Variants in SAMD4A observed in about 807,000 individuals in gnomAD.
The protein encoded by SAMD4A is sterile alpha motif domain containing 4A, also known as protein Smaug homolog 1.
Under a neutral mutation model 81.3 loss-of-function variants are expected in SAMD4A, and 33 were observed. The ratio of observed to expected loss-of-function variants is 0.41; its 90% CI spans 0.31 to 0.54. SAMD4A has a LOEUF of 0.54. Ranked by LOEUF, SAMD4A falls within the 20% of genes least tolerant of loss-of-function variation. SAMD4A has a pLI of 0.37. For missense variants in SAMD4A, 854 were observed against 951.1 expected, an observed-to-expected ratio of 0.90 and a Z score of 1.34; for synonymous variants, 389 against 382.1, an observed-to-expected ratio of 1.02 and a Z score of -0.21.
intron 2 of SAMD4A, among the ~76,000 whole-genome samples, chr14:54,661,886 G>A (rs1488344658): frequency 6.6e-6 from 1 of 152,144 alleles, no homozygotes; most frequent in Non-Finnish European, 1.5e-5. Context: ...TCACAGGTGT[G>A]CAGGCTAGGT....
At chr14:54,685,133 A>T (rs1029947491) in intron 2 of SAMD4A, among the ~76,000 whole-genome samples, 2 of 152,208 alleles carry the variant, frequency 1.3e-5, no homozygotes, top group African/African-American at 2.4e-5. Context: ...TGCCATTTTA[A>T]TCATTTTTAA....
intron 6 of SAMD4A, 98 bp downstream of exon 6, chr14:54,751,635 C>A: frequency 2.5e-6 from 2 of 795,796 alleles, no homozygotes. Context: ...CCTTCTAGAG[C>A]GTACCATGTG....
At chr14:54,669,886 G>A (rs2035841057) in intron 2 of SAMD4A, among the ~76,000 whole-genome samples, 1 of 152,176 alleles carries the variant, frequency 6.6e-6, no homozygotes, top group Non-Finnish European at 1.5e-5. Flanking sequence ...CTATGAATCA[G>A]AGCTGAATCA....
chr14:54,581,040 G>C (rs1197113098), intron 2 of SAMD4A, among the ~76,000 whole-genome samples: 1 of 152,152 alleles, frequency 6.6e-6, no homozygotes, highest in Non-Finnish European at 1.5e-5. Flanking sequence ...TTTCCCCTCA[G>C]ACCCTTACAG....
chr14:54,599,437 G>T (rs1362101800), intron 2 of SAMD4A, among the ~76,000 whole-genome samples: 2 of 151,992 alleles, frequency 1.3e-5, no homozygotes, highest in African/African-American at 4.8e-5. Flanking sequence ...GGATACCCGA[G>T]GTCCACAAAT....
rs949406676 is a variant in SAMD4A, at chr14:54,789,332, G to A, written c.*388G>A. The A allele has an allele frequency of 2.2e-5, 5 of 227,936 alleles. No homozygotes were observed. The highest frequency in any genetic ancestry group is 3.5e-5 in the Non-Finnish European group (4 of 115,454). 14.1% of individuals were successfully genotyped at this position (227,936 alleles called of 1,614,324 possible). ...CAGCAGAAGCCCTGGCCCTGGGGAG[G>A]CTTCTCGGAAGGCCTGGCTTCACAG... On this transcript the variant is annotated 3_prime_UTR_variant, in exon 13 of 13. Transcript: ENST00000554335.
At chr14:54,616,312 A>AT (rs1203546482) in intron 2 of SAMD4A, among the ~76,000 whole-genome samples, 2 of 152,036 alleles carry the variant, frequency 1.3e-5, no homozygotes, top group South Asian at 2.1e-4. Context: ...GACAATGCCT[A>AT]TTTTTTTTCT....
At chr14:54,689,188 C>T (rs989458086) in intron 2 of SAMD4A, among the ~76,000 whole-genome samples, 3 of 152,174 alleles carry the variant, frequency 2.0e-5, no homozygotes, top group Non-Finnish European at 4.4e-5. Flanking sequence ...CCACCTCAGC[C>T]TCCCAAAGTG....
At chr14:54,742,360 C>T (rs1016342871) in intron 4 of SAMD4A, among the ~76,000 whole-genome samples, 1 of 152,046 alleles carries the variant, frequency 6.6e-6, no homozygotes, top group Admixed American at 6.6e-5. Flanking sequence ...CAGCATGGGG[C>T]CTGGTGAGTG....
At chr14:54,681,605 A>C (rs569312813) in intron 2 of SAMD4A, among the ~76,000 whole-genome samples, 1 of 151,898 alleles carries the variant, frequency 6.6e-6, no homozygotes, top group Admixed American at 6.6e-5. Flanking sequence ...AATTTTTAAA[A>C]ATCTTCTATA....
chr14:54,752,070 G>T (rs181756780), intron 6 of SAMD4A, among the ~76,000 whole-genome samples: 3 of 152,300 alleles, frequency 2.0e-5, no homozygotes, highest in East Asian at 3.9e-4. Context: ...ATAATTCCAG[G>T]CTTTAACTTA....
At chr14:54,731,921 AAAAC>A (rs1475511984) in intron 3 of SAMD4A, among the ~76,000 whole-genome samples, 1 of 152,242 alleles carries the variant, frequency 6.6e-6, no homozygotes, top group Non-Finnish European at 1.5e-5. Context: ...TCTAGACTCT[AAAAC>A]AAAATGCTAA....
rs1200872985 is a variant in SAMD4A, at chr14:54,792,331, T to G, written c.*3387T>G. On this transcript the variant is annotated 3_prime_UTR_variant, in exon 13 of 13. Transcript: ENST00000554335. ...TGGGCCCCCCTCTCTCCCATTCGTT[T>G]GAAGAGACACTGAGGGAAACAAGGG... 3 of 152,194 alleles carry G rather than the reference T, an allele frequency of 2.0e-5. No individual in the cohort carries two copies. Among genetic ancestry groups the G allele is most frequent in the Admixed American group, 2.0e-4 (3 of 15,278 alleles). 9.4% of individuals were successfully genotyped at this position (152,194 alleles called of 1,614,324 possible). A position where few individuals can be genotyped will look rare whatever the true frequency, so the allele number is the denominator to read the frequency against.
intron 3 of SAMD4A, among the ~76,000 whole-genome samples, chr14:54,724,502 C>T (rs12886075): frequency 0.45 from 68,436 of 152,118 alleles, 17,923 homozygotes; most frequent in Non-Finnish European, 0.59. Context: ...ATAGTCGGCA[C>T]TGTCAAATGG....
At chr14:54,711,240 C>T (rs1032353695) in intron 3 of SAMD4A, among the ~76,000 whole-genome samples, 2 of 152,140 alleles carry the variant, frequency 1.3e-5, no homozygotes, top group African/African-American at 4.8e-5. Flanking sequence ...GTCATAATCA[C>T]CTTAGTGACA....
At chr14:54,601,711 A>G (rs1594717290) in intron 2 of SAMD4A, among the ~76,000 whole-genome samples, 3 of 152,310 alleles carry the variant, frequency 2.0e-5, no homozygotes, top group African/African-American at 7.2e-5. Flanking sequence ...TGGAGGCTCC[A>G]ATGTTGGAAT....
chr14:54,566,907 G>A (rs2032955364), upstream of SAMD4A, among the ~76,000 whole-genome samples: 1 of 152,146 alleles, frequency 6.6e-6, no homozygotes, highest in African/African-American at 2.4e-5. Context: ...GGTGGAGAGA[G>A]TTTATTTTTG....
chr14:54,784,466 C>T, intron 11 of SAMD4A, 71 bp from the exon 12 acceptor site: 1 of 1,612,904 alleles, frequency 6.2e-7, no homozygotes, highest in Non-Finnish European at 8.5e-7. Context: ...GACCTTTCTC[C>T]TGAAGGTGGA....
rs11392875 is a variant in SAMD4A, at chr14:54,594,420, C to CAA, written c.196+26318_196+26319dup. Among the ~76,000 whole-genome samples the CAA allele has an allele frequency of 7.9e-3, 1,156 of 145,720 alleles. 21 individuals carry two copies. The highest frequency in any genetic ancestry group is 0.027 in the African/African-American group (1,091 of 40,002). Reference sequence around the variant, plus strand: ...TCTGGGTGACAGCATGAGACTGTCTCAAAAAAAAAAAGCTACTTTTAAAAT... The same window carrying CAA: ...TCTGGGTGACAGCATGAGACTGTCTCAAAAAAAAAAAAAGCTACTTTTAAAAT... On this transcript the variant is annotated intron_variant, in intron 2 of 12. Transcript: ENST00000554335.
Sources: allele counts gnomAD v4.1 joint callset (sites outside exome capture counted in the v4.1 genomes callset), GRCh38; gene constraint gnomAD v4.1.1; transcripts MANE v1.5; gene names NCBI Gene and HGNC (gene_info 2026-07-23, HGNC 2026-07-21).